BRINP3: variants seen among roughly 807,000 people sequenced by gnomAD.
BRINP3 encodes BMP/retinoic acid inducible neural specific 3.
Under a neutral mutation model 71.0 loss-of-function variants are expected in BRINP3, and 19 were observed. The observed-to-expected ratio is 0.27, with a 90% CI of 0.19 to 0.39. The LOEUF is 0.39. Ranked by LOEUF, BRINP3 falls within the 10% of genes least tolerant of loss-of-function variation. The probability of loss-of-function intolerance (pLI) is 1.00; values close to 1 mark genes in which losing one functional copy is unlikely to be tolerated. For synonymous variants in BRINP3, 380 were observed against 337.7 expected (o/e 1.13, Z -1.37); for missense variants, 959 against 940.8 (o/e 1.02, Z -0.25).
At chr1:190,443,790 C>T (rs555247255) in intron 2 of BRINP3, among the ~76,000 whole-genome samples, 38 of 152,282 alleles carry the variant, frequency 2.5e-4, no homozygotes, top group Admixed American at 1.8e-3. Context: ...GGAAACCAAC[C>T]AATCAGAACT....
At chr1:190,434,626 G>C (rs1236865870) in intron 2 of BRINP3, among the ~76,000 whole-genome samples, 1 of 151,626 alleles carries the variant, frequency 6.6e-6, no homozygotes, top group Non-Finnish European at 1.5e-5. Flanking sequence ...ATACAAAGAG[G>C]AATGCATTTC....
At chr1:190,372,488 A>G (rs1463502666) in intron 2 of BRINP3, among the ~76,000 whole-genome samples, 1 of 152,196 alleles carries the variant, frequency 6.6e-6, no homozygotes, top group African/African-American at 2.4e-5. Context: ...TAGTTCCAGA[A>G]AGGTTCTGAC....
intron 2 of BRINP3, among the ~76,000 whole-genome samples, chr1:190,356,185 C>T (rs1039522289): frequency 2.6e-5 from 4 of 151,908 alleles, no homozygotes; most frequent in Non-Finnish European, 5.9e-5. Flanking sequence ...GAGGAGTACA[C>T]ATTATGATTG....
chr1:190,316,730 C>T (rs1665906651), intron 2 of BRINP3, among the ~76,000 whole-genome samples: 2 of 152,026 alleles, frequency 1.3e-5, no homozygotes, highest in South Asian at 4.2e-4. Flanking sequence ...CAATAATATT[C>T]ATGCTGAATC....
At chr1:190,444,094 G>A (rs1675026544) in intron 2 of BRINP3, among the ~76,000 whole-genome samples, 1 of 151,904 alleles carries the variant, frequency 6.6e-6, no homozygotes, top group Non-Finnish European at 1.5e-5. Context: ...TAGCTGGGGG[G>A]TGGTGGCCCA....
intron 7 of BRINP3, among the ~76,000 whole-genome samples, chr1:190,148,760 T>A (rs1054181241): frequency 1.1e-4 from 16 of 152,138 alleles, no homozygotes; most frequent in African/African-American, 3.9e-4. Context: ...AATTTAGTAA[T>A]CATATTTTTA....
At chr1:190,280,772 A>C (rs1662974441) in intron 3 of BRINP3, among the ~76,000 whole-genome samples, 1 of 151,948 alleles carries the variant, frequency 6.6e-6, no homozygotes, top group African/African-American at 2.4e-5. Flanking sequence ...CATTATAAGA[A>C]AAAGTAACAT....
chr1:190,257,916 C>A (rs967242273), intron 4 of BRINP3, among the ~76,000 whole-genome samples: 2 of 152,176 alleles, frequency 1.3e-5, no homozygotes, highest in East Asian at 3.9e-4. Flanking sequence ...GGAGGTGTCT[C>A]TCAGTTAGGC....
intron 7 of BRINP3, among the ~76,000 whole-genome samples, chr1:190,155,936 GT>G (rs1343233023): frequency 6.6e-6 from 1 of 152,062 alleles, no homozygotes; most frequent in Non-Finnish European, 1.5e-5. Context: ...GTCTCAGGTA[GT>G]TCTTTATAGC....
At chr1:190,220,515 A>G (rs1656784758) in intron 6 of BRINP3, among the ~76,000 whole-genome samples, 1 of 152,110 alleles carries the variant, frequency 6.6e-6, no homozygotes, top group Admixed American at 6.6e-5. Flanking sequence ...CGTTCTGCAC[A>G]TGTAACGCAG....
intron 6 of BRINP3, among the ~76,000 whole-genome samples, chr1:190,214,546 T>C (rs1656243749): frequency 6.6e-6 from 1 of 152,048 alleles, no homozygotes; most frequent in African/African-American, 2.4e-5. Flanking sequence ...CTCCTTGAAT[T>C]AACTATGAGT....
At chr1:190,298,514 G>T (rs1000136935) in intron 2 of BRINP3, among the ~76,000 whole-genome samples, 2 of 151,210 alleles carry the variant, frequency 1.3e-5, no homozygotes, top group Non-Finnish European at 3.0e-5. Context: ...CACAATTTTT[G>T]ATATTTGTGT....
At chr1:190,397,890 G>GA (rs1671681497) in intron 2 of BRINP3, among the ~76,000 whole-genome samples, 1 of 151,862 alleles carries the variant, frequency 6.6e-6, no homozygotes, top group African/African-American at 2.4e-5. Flanking sequence ...TTTACTCTGT[G>GA]AAAAAATTCC....
At chr1:190,113,812 T>C (rs991215655) in intron 7 of BRINP3, among the ~76,000 whole-genome samples, 2 of 152,130 alleles carry the variant, frequency 1.3e-5, no homozygotes, top group South Asian at 4.1e-4. Context: ...AATCCATGGT[T>C]TGGGGACTCC....
At chr1:190,294,607 T>A (rs6428017) in intron 2 of BRINP3, among the ~76,000 whole-genome samples, 1,592 of 152,218 alleles carry the variant, frequency 0.01, 25 homozygotes, top group African/African-American at 0.036. Flanking sequence ...CCTCTCCAGG[T>A]CTGGTGACTG....
chr1:190,393,059 T>C (rs754058632), intron 2 of BRINP3, among the ~76,000 whole-genome samples: 8 of 151,604 alleles, frequency 5.3e-5, no homozygotes, highest in Non-Finnish European at 7.4e-5. Context: ...AACCATTATA[T>C]ATTATAATAT....
rs777942667 is a variant in BRINP3, at chr1:190,229,300, G to C, written c.725-2982C>G. On this transcript the variant is annotated intron_variant, in intron 5 of 7. Coordinates refer to ENST00000367462, the MANE Select transcript of BRINP3 (RefSeq NM_199051.3). Reference sequence around the variant, plus strand: ...ATAGTGAATAAGTCTCAGAAGATGTGATGGTTTTATAAATGGGACCTCCCC... The same window carrying C: ...ATAGTGAATAAGTCTCAGAAGATGTCATGGTTTTATAAATGGGACCTCCCC... Among the ~76,000 whole-genome samples the C allele has an allele frequency of 3.0e-4, 46 of 152,026 alleles. No individual in the cohort carries two copies. The Middle Eastern group carries it at 0.017, about 56-fold the overall frequency.
intron 7 of BRINP3, among the ~76,000 whole-genome samples, chr1:190,099,558 C>T (rs947919458): frequency 2.0e-5 from 3 of 152,036 alleles, no homozygotes; most frequent in Admixed American, 6.5e-5. Flanking sequence ...AGAATTAGAG[C>T]ATATACATGG....
At chr1:190,428,564 A>T (rs904334762) in intron 2 of BRINP3, among the ~76,000 whole-genome samples, 1 of 152,062 alleles carries the variant, frequency 6.6e-6, no homozygotes, top group African/African-American at 2.4e-5. Flanking sequence ...TGCAATCAAG[A>T]TTCTATCTTT....
Sources: gnomAD v4.1 joint callset for allele counts (sites outside exome capture counted in the v4.1 genomes callset) on GRCh38, gnomAD v4.1.1 for gene constraint, MANE v1.5 for transcripts, NCBI Gene and HGNC (gene_info 2026-07-23, HGNC 2026-07-21) for gene names.